Variants in CA10 observed in about 807,000 individuals in gnomAD.
CA10 encodes carbonic anhydrase-related protein 10.
In CA10, 14 loss-of-function variants were observed where a neutral mutation model predicts 44.2. The observed-to-expected ratio is 0.32, with a 90% confidence interval of 0.21 to 0.50. The LOEUF (loss-of-function observed/expected upper bound fraction) is 0.50, where lower values mean the gene tolerates loss of function less well. Ranked by LOEUF, CA10 falls within the 20% of genes least tolerant of loss-of-function variation. CA10 has a pLI of 0.99. For missense variants in CA10, 350 were observed against 409.7 expected, an observed-to-expected ratio of 0.85 and a Z score of 1.26; for synonymous variants, 159 against 141.6, an observed-to-expected ratio of 1.12 and a Z score of -0.87.
At chr17:51,820,165 A>T (rs2143759070) in intron 3 of CA10, among the ~76,000 whole-genome samples, 1 of 148,052 alleles carries the variant, frequency 6.8e-6, no homozygotes, top group East Asian at 2.1e-4. Flanking sequence ...GTCTGACTCC[A>T]GAACATGAAC....
chr17:51,999,741 T>A (rs752575387), intron 2 of CA10, among the ~76,000 whole-genome samples: 1 of 152,106 alleles, frequency 6.6e-6, no homozygotes, highest in Non-Finnish European at 1.5e-5. Flanking sequence ...CTGTCCATTC[T>A]GTCCTTGTTT....
intron 3 of CA10, among the ~76,000 whole-genome samples, chr17:51,759,387 T>C (rs1261065401): frequency 1.3e-5 from 2 of 149,638 alleles, no homozygotes; most frequent in African/African-American, 4.9e-5. Context: ...TGTGTGTGTG[T>C]GTGCTTAAAA....
chr17:52,024,290 A>C (rs1433113449), intron 2 of CA10, among the ~76,000 whole-genome samples: 1 of 152,172 alleles, frequency 6.6e-6, no homozygotes, highest in South Asian at 2.1e-4. Context: ...GACTGAACAC[A>C]TAATATACTT....
intron 4 of CA10, among the ~76,000 whole-genome samples, chr17:51,700,264 C>T (rs576250476): frequency 1.3e-3 from 199 of 152,306 alleles, no homozygotes; most frequent in African/African-American, 4.7e-3. Context: ...CATCTGTCCT[C>T]AGTGCAGCAG....
At chr17:51,826,710 A>G (rs530433332) in intron 3 of CA10, among the ~76,000 whole-genome samples, 2 of 152,294 alleles carry the variant, frequency 1.3e-5, no homozygotes, top group Admixed American at 6.5e-5. Context: ...GGTTTGGCCA[A>G]TGAGGGGCCC....
intron 4 of CA10, among the ~76,000 whole-genome samples, chr17:51,744,405 G>A (rs999163799): frequency 6.6e-6 from 1 of 151,992 alleles, no homozygotes; most frequent in African/African-American, 2.4e-5. Context: ...TCGAATGTGA[G>A]TCACCTTTAT....
At chr17:51,995,424 T>TA (rs1021506110) in intron 2 of CA10, among the ~76,000 whole-genome samples, 15 of 152,142 alleles carry the variant, frequency 9.9e-5, no homozygotes, top group African/African-American at 2.6e-4. Context: ...TAGCATTTTT[T>TA]AAAAAAATAT....
At chr17:52,032,911 C>CA in intron 2 of CA10, among the ~76,000 whole-genome samples, 1 of 152,180 alleles carries the variant, frequency 6.6e-6, no homozygotes, top group East Asian at 1.9e-4. Flanking sequence ...TCTGCAAGGA[C>CA]AACTGACATA....
Position 51,631,405 on chromosome 17 carries a change from A to AGAGAT in CA10, c.*174_*178dup, listed in dbSNP as rs1912566707. On this transcript the variant is annotated 3_prime_UTR_variant, in exon 9 of 9. Coordinates refer to ENST00000451037, the MANE Select transcript of CA10 (RefSeq NM_020178.5). ...GTGTGTGTGTTTGTGAGTATGTGTG[A>AGAGAT]GAGATGTATTCCTCTGCCATGGTTT... 7.3e-6 allele frequency: 5 copies of AGAGAT among 687,312 alleles called. No individual in the cohort carries two copies. The highest frequency in any genetic ancestry group is 1.3e-5 in the Non-Finnish European group (5 of 377,708). The allele number at this position is 687,312 out of a possible 1,614,324, so 42.6% of individuals were successfully genotyped here.
chr17:52,154,841 C>A (rs565850939), intron 1 of CA10, among the ~76,000 whole-genome samples: 7 of 152,268 alleles, frequency 4.6e-5, no homozygotes, highest in African/African-American at 1.7e-4. Flanking sequence ...TCTCATTTTC[C>A]AACAGTTTCA....
chr17:51,788,378 C>T (rs922709898), intron 3 of CA10, among the ~76,000 whole-genome samples: 9 of 152,244 alleles, frequency 5.9e-5, no homozygotes, highest in South Asian at 2.1e-4. Flanking sequence ...TATGGTCTAC[C>T]ATTGACAATG....
At chr17:51,752,073 C>T (rs991428882) in intron 3 of CA10, among the ~76,000 whole-genome samples, 7 of 151,992 alleles carry the variant, frequency 4.6e-5, no homozygotes, top group South Asian at 2.1e-4. Flanking sequence ...GTTCTTACAA[C>T]GAGATGCAAC....
chr17:51,931,958 C>T (rs773164428), intron 2 of CA10, among the ~76,000 whole-genome samples: 1 of 152,144 alleles, frequency 6.6e-6, no homozygotes, highest in Non-Finnish European at 1.5e-5. Context: ...ATACTTTCAG[C>T]CTTTCCCTGC....
chr17:52,017,670 C>A (rs1986010801), intron 2 of CA10, among the ~76,000 whole-genome samples: 2 of 152,090 alleles, frequency 1.3e-5, no homozygotes, highest in African/African-American at 4.8e-5. Context: ...GTGTAAAAAT[C>A]TGGAAAATTT....
intron 3 of CA10, among the ~76,000 whole-genome samples, chr17:51,831,719 A>AGCGGCGGCAGCGGCG (rs1365077684): frequency 1.7e-5 from 2 of 116,184 alleles, no homozygotes; most frequent in African/African-American, 6.1e-5. Flanking sequence ...CAGCAGCAGC[A>AGCGGCGGCAGCGGCG]GCAGCAGCAG....
chr17:51,898,516 T>TA (rs1981171433), intron 3 of CA10, among the ~76,000 whole-genome samples: 1 of 152,098 alleles, frequency 6.6e-6, no homozygotes, highest in African/African-American at 2.4e-5. Flanking sequence ...GGTTTTCCTT[T>TA]TTTGTTGTGC....
chr17:51,945,275 G>T (rs951541388), intron 2 of CA10, among the ~76,000 whole-genome samples: 3 of 152,090 alleles, frequency 2.0e-5, no homozygotes, highest in African/African-American at 4.8e-5. Flanking sequence ...GGCATTTTAT[G>T]TGTCATGAGG....
At chr17:52,064,186 A>C (rs1377397246) in intron 2 of CA10, among the ~76,000 whole-genome samples, 1 of 152,150 alleles carries the variant, frequency 6.6e-6, no homozygotes, top group Non-Finnish European at 1.5e-5. Flanking sequence ...TCAGCCCTAC[A>C]ACTGCATGGA....
chr17:51,904,081 A>C (rs1048034335), intron 3 of CA10, among the ~76,000 whole-genome samples: 4 of 151,806 alleles, frequency 2.6e-5, no homozygotes, highest in Non-Finnish European at 5.9e-5. Context: ...CAGGGTGACC[A>C]ACCCACCCTG....
Sources: gnomAD v4.1 joint callset for allele counts (sites outside exome capture counted in the v4.1 genomes callset) on GRCh38, gnomAD v4.1.1 for gene constraint, MANE v1.5 for transcripts, NCBI Gene and HGNC (gene_info 2026-07-23, HGNC 2026-07-21) for gene names.